EYS: variants seen among roughly 807,000 people sequenced by gnomAD.
EYS encodes the protein EGF-like photoreceptor maintenance factor.
A neutral mutation model predicts 282.1 loss-of-function variants in EYS; 250 were observed. The ratio of observed to expected loss-of-function variants is 0.89; its 90% CI spans 0.80 to 0.98. EYS has a LOEUF of 0.98. Among genes scored for constraint, EYS ranks in the 50% least tolerant of loss-of-function variants. The pLI is 0.00. For missense variants in EYS, 4,016 were observed against 3,709.0 expected (o/e 1.08, Z -2.15); for synonymous variants, 1,355 against 1,282.9 (o/e 1.06, Z -1.20).
intron 11 of EYS, among the ~76,000 whole-genome samples, chr6:65,321,287 A>C (rs1030932883): frequency 1.3e-5 from 2 of 152,138 alleles, no homozygotes; most frequent in African/African-American, 4.8e-5. Flanking sequence ...ACAGACTGGG[A>C]ATTTGTTTCA....
At chr6:65,600,010 C>G (rs1342958124) in intron 2 of EYS, among the ~76,000 whole-genome samples, 2 of 152,022 alleles carry the variant, frequency 1.3e-5, no homozygotes, top group East Asian at 3.9e-4. Context: ...GCTTAGAAAG[C>G]ATGTAAAAGT....
At position 64,990,093 on chromosome 6, in the gene EYS, C is replaced by T. The variant is rs895100372; in HGVS notation, c.2259+7489G>A. 2.0e-5 allele frequency among the ~76,000 whole-genome samples: 3 copies of T among 151,372 alleles called. No individual in the cohort carries two copies. In the Admixed American group the frequency reaches 2.0e-4, roughly 10 times the overall value. On this transcript the variant is annotated intron_variant, in intron 14 of 42. Coordinates refer to ENST00000503581, the MANE Select transcript of EYS (RefSeq NM_001142800.2). ...TTATTTTTTACTTTTAATAAACTACCTACAGACAAATGAGGTGGTTAGAAA... is the reference window on the plus strand; with the variant it reads ...TTATTTTTTACTTTTAATAAACTACTTACAGACAAATGAGGTGGTTAGAAA...
chr6:65,535,887 A>G (rs1389184799), intron 2 of EYS, among the ~76,000 whole-genome samples: 2 of 152,174 alleles, frequency 1.3e-5, no homozygotes, highest in East Asian at 3.9e-4. Flanking sequence ...GGCATAGTTA[A>G]GTTGACATGT....
chr6:63,805,617 T>G (rs1241386855), intron 37 of EYS, among the ~76,000 whole-genome samples: 4 of 152,184 alleles, frequency 2.6e-5, no homozygotes, highest in African/African-American at 9.7e-5. Context: ...ATGGTTAGGT[T>G]TTGTGTTCCC....
chr6:63,764,142 G>T (rs868346670), intron 40 of EYS, among the ~76,000 whole-genome samples: 1 of 151,876 alleles, frequency 6.6e-6, no homozygotes, highest in Non-Finnish European at 1.5e-5. Context: ...TCTAAAAAGC[G>T]CATTCTAGAA....
chr6:64,972,244 C>T (rs1351605231), intron 14 of EYS, among the ~76,000 whole-genome samples: 1 of 152,094 alleles, frequency 6.6e-6, no homozygotes, highest in Non-Finnish European at 1.5e-5. Flanking sequence ...GATTGCTCAA[C>T]GTTGGTTTTG....
chr6:64,627,984 G>T (rs556266158), intron 22 of EYS, among the ~76,000 whole-genome samples: 73 of 152,310 alleles, frequency 4.8e-4, no homozygotes, highest in African/African-American at 1.5e-3. Context: ...GGAGGCTGAG[G>T]CAGGAGAATG....
intron 8 of EYS, among the ~76,000 whole-genome samples, chr6:65,368,707 C>T (rs1457348032): frequency 1.3e-5 from 2 of 151,626 alleles, no homozygotes; most frequent in Non-Finnish European, 2.9e-5. Flanking sequence ...AACACATGCA[C>T]ATGAACAATA....
intron 1 of EYS, among the ~76,000 whole-genome samples, chr6:65,679,694 G>A (rs561176310): frequency 8.6e-5 from 13 of 152,000 alleles, no homozygotes; most frequent in African/African-American, 3.1e-4. Context: ...TTCATGTTGT[G>A]TGAGATTTTT....
intron 24 of EYS, among the ~76,000 whole-genome samples, chr6:64,594,308 T>C (rs1018871698): frequency 6.6e-6 from 1 of 152,168 alleles, no homozygotes; most frequent in East Asian, 1.9e-4. Context: ...TAACACCAAG[T>C]CTTTGCTATT....
intron 22 of EYS, among the ~76,000 whole-genome samples, chr6:64,658,292 G>A (rs556285137): frequency 7.3e-6 from 1 of 137,558 alleles, no homozygotes; most frequent in South Asian, 2.5e-4. Flanking sequence ...CTTTGCCATG[G>A]GTTCGAACTT....
chr6:65,049,715 T>A (rs1368736026), intron 13 of EYS, among the ~76,000 whole-genome samples: 1 of 151,748 alleles, frequency 6.6e-6, no homozygotes, highest in Non-Finnish European at 1.5e-5. Context: ...TTAACTTAAT[T>A]ATAATTTTGT....
At chr6:65,513,477 G>T (rs1045432093) in intron 2 of EYS, among the ~76,000 whole-genome samples, 22 of 152,206 alleles carry the variant, frequency 1.4e-4, no homozygotes, top group South Asian at 8.3e-4. Context: ...GCTGGGCAGA[G>T]ACACAACCAA....
intron 35 of EYS, among the ~76,000 whole-genome samples, chr6:63,981,702 G>A (rs1458397238): frequency 6.6e-6 from 1 of 151,818 alleles, no homozygotes; most frequent in African/African-American, 2.4e-5. Context: ...CTGGAGTTGT[G>A]GTTGAGAGGT....
At chr6:63,859,374 T>A (rs1010529988) in intron 36 of EYS, among the ~76,000 whole-genome samples, 2 of 152,042 alleles carry the variant, frequency 1.3e-5, no homozygotes, top group African/African-American at 4.8e-5. Flanking sequence ...TAGTCAGTAC[T>A]AAAATGGAAA....
Position 63,938,921 on chromosome 6 carries a change from A to G in EYS, c.7055+45462T>C, listed in dbSNP as rs376217081. 1.2e-4 allele frequency among the ~76,000 whole-genome samples: 19 copies of G among 152,358 alleles called. 1 individual carries two copies. In the East Asian group the frequency reaches 2.1e-3, roughly 17 times the overall value. On this transcript the variant is annotated intron_variant, in intron 35 of 42. Transcript: ENST00000503581. ...GGAGCACAAAAGTGAACTAAATAAC[A>G]GAAATCAAAAGGCAAACATTGACAC...
chr6:64,582,650 G>A (rs189746127), intron 26 of EYS, among the ~76,000 whole-genome samples: 3 of 147,592 alleles, frequency 2.0e-5, no homozygotes, highest in South Asian at 4.3e-4. Context: ...ATTCAGCAAT[G>A]AAAATGAAAG....
rs566469915 is a variant in EYS at position 65,328,074 on chromosome 6, T to A, written c.1766+6906A>T. On this transcript the variant is annotated intron_variant, in intron 11 of 42. Transcript: ENST00000503581. The stretch of plus-strand genomic sequence containing the variant: ...TCATATATAGGTTTTATACACACAT[T>A]AACATATGCTGTGACTTTTAGAAAT... Among the ~76,000 whole-genome samples the A allele has an allele frequency of 2.0e-5, 3 of 151,628 alleles. No homozygotes were observed. The South Asian group carries it at 6.2e-4, about 31-fold the overall frequency.
chr6:65,566,137 G>C (rs909790738), intron 2 of EYS, among the ~76,000 whole-genome samples: 32 of 151,864 alleles, frequency 2.1e-4, no homozygotes, highest in African/African-American at 7.5e-4. Flanking sequence ...GGCATGGCCA[G>C]TAAAGGGCAA....
Sources: gnomAD v4.1 joint callset for allele counts (sites outside exome capture counted in the v4.1 genomes callset) on GRCh38, gnomAD v4.1.1 for gene constraint, MANE v1.5 for transcripts, NCBI Gene and HGNC (gene_info 2026-07-23, HGNC 2026-07-21) for gene names.